TANGO6: variants seen among roughly 807,000 people sequenced by gnomAD.
The protein encoded by TANGO6 is transport and golgi organization 6 homolog, also known as transport and Golgi organization protein 6 homolog.
TANGO6 carries 90 observed loss-of-function variants against 114.2 expected under a neutral mutation model. The observed-to-expected ratio is 0.79, with a 90% CI of 0.66 to 0.94. The LOEUF is 0.94. TANGO6 is among the 40% of genes least tolerant of loss of function. TANGO6 has a pLI of 0.00. For missense variants in TANGO6, 1,274 were observed against 1,315.3 expected, an observed-to-expected ratio of 0.97 and a Z score of 0.49; for synonymous variants, 477 against 509.8, an observed-to-expected ratio of 0.94 and a Z score of 0.87.
At chr16:68,902,956 T>G (rs189303425) in intron 9 of TANGO6, among the ~76,000 whole-genome samples, 1 of 152,348 alleles carries the variant, frequency 6.6e-6, no homozygotes, top group East Asian at 1.9e-4. Context: ...AGGGATTGAT[T>G]AGAAAGTGCT....
chr16:68,922,242 TAA>T (rs1196767767), intron 12 of TANGO6, among the ~76,000 whole-genome samples: 1 of 136,112 alleles, frequency 7.3e-6, no homozygotes. Flanking sequence ...AAAACAAAAT[TAA>T]AAAAAAAAAA....
chr16:68,873,422 T>A (rs1186630286), intron 4 of TANGO6, among the ~76,000 whole-genome samples: 1 of 152,158 alleles, frequency 6.6e-6, no homozygotes, highest in Non-Finnish European at 1.5e-5. Flanking sequence ...CAAGCGATTG[T>A]CCTGCCTCAA....
intron 7 of TANGO6, among the ~76,000 whole-genome samples, chr16:68,882,445 C>G (rs1050421142): frequency 3.3e-5 from 5 of 151,226 alleles, no homozygotes; most frequent in Non-Finnish European, 7.4e-5. Flanking sequence ...TGCAGTGAGC[C>G]GAGATCGCAC....
At chr16:69,076,339 G>T (rs1403716899) in intron 17 of TANGO6, among the ~76,000 whole-genome samples, 1 of 151,802 alleles carries the variant, frequency 6.6e-6, no homozygotes, top group Admixed American at 6.6e-5. Context: ...TGATCCGCCT[G>T]CCTTGGCCTC....
chr16:68,972,894 A>T (rs7202398), intron 14 of TANGO6: 1 of 272,616 alleles, frequency 3.7e-6, no homozygotes, highest in African/African-American at 2.3e-5. Context: ...GAGCAGCAGC[A>T]GATGCAGAGG....
In TANGO6 at chr16:68,902,472, T is replaced by G. The variant is rs1962798647; in HGVS notation, c.1635T>G (p.Gly545=). Residue 545 remains glycine (G), a synonymous_variant, in exon 9 of 18, where the codon GGT becomes GGG. Coordinates refer to ENST00000261778, the MANE Select transcript of TANGO6 (RefSeq NM_024562.2). ...SLCQFRVATQ[G]GIMITIKEAI... ...GTCAGTTTAGAGTTGCCACTCAAGGTGGCATTATGATTACCATCAAAGAGG... is the reference window on the plus strand; with the variant it reads ...GTCAGTTTAGAGTTGCCACTCAAGGGGGCATTATGATTACCATCAAAGAGG... 1 of 1,612,956 alleles carries G rather than the reference T, an allele frequency of 6.2e-7. No individual in the cohort carries two copies. The highest frequency in any genetic ancestry group is 1.3e-5 in the African/African-American group (1 of 74,890).
At position 69,083,543 on chromosome 16, in the gene TANGO6, A is replaced by G. The variant is rs972699949; in HGVS notation, c.3167A>G (p.Glu1056Gly). ...YHLLKHVVCL[E>G]PDDVAKLHAQ... is the part of the protein sequence containing the mutation. Reference sequence around the variant, plus strand: ...CTGCTGAAGCACGTAGTGTGTCTGGAGCCCGATGACGTGGCCAAGCTCCAT... The same window carrying G: ...CTGCTGAAGCACGTAGTGTGTCTGGGGCCCGATGACGTGGCCAAGCTCCAT... Residue 1056 changes from glutamate to glycine, a missense_variant, in exon 18 of 18, where the codon GAG (glutamate) becomes GGG (glycine). Transcript: ENST00000261778. The G allele has an allele frequency of 6.2e-7, 1 of 1,612,076 alleles. No homozygotes were observed. Among genetic ancestry groups the G allele is most frequent in the African/African-American group, 1.3e-5 (1 of 74,918 alleles).
chr16:69,072,209 AAG>A (rs1290920812), intron 17 of TANGO6, among the ~76,000 whole-genome samples: 2 of 151,316 alleles, frequency 1.3e-5, no homozygotes, highest in Non-Finnish European at 1.5e-5. Context: ...CTCCCTTCCA[AAG>A]AGTTTTCAGA....
intron 14 of TANGO6, among the ~76,000 whole-genome samples, chr16:68,948,671 C>G (rs545013266): frequency 1.3e-5 from 2 of 152,220 alleles, no homozygotes; most frequent in African/African-American, 4.8e-5. Context: ...GTATGCTGAC[C>G]TCATGCTTGA....
rs1963400018 is a variant in TANGO6, at chr16:68,945,068, G to A, written c.2701+14773G>A. ...AGGCAGGAGAATCACTTGAACCCAG[G>A]AGGTAGAGGTTGCAGTGAGCTGAGA... is the stretch of plus-strand genomic sequence containing the variant. On this transcript the variant is annotated intron_variant, in intron 14 of 17. Transcript: ENST00000261778. Among the ~76,000 whole-genome samples, 3 of 152,214 alleles carry A rather than the reference G, an allele frequency of 2.0e-5. No homozygotes were observed. In the South Asian group the frequency reaches 6.2e-4, roughly 31 times the overall value.
At chr16:68,961,352 C>G (rs1481977548) in intron 14 of TANGO6, among the ~76,000 whole-genome samples, 1 of 152,338 alleles carries the variant, frequency 6.6e-6, no homozygotes, top group Admixed American at 6.5e-5. Flanking sequence ...CAGTCCTGCC[C>G]CGCCACATGG....
At chr16:69,054,776 AC>A (rs144411390) in intron 17 of TANGO6, among the ~76,000 whole-genome samples, 10 of 99,926 alleles carry the variant, frequency 1.0e-4, no homozygotes, top group Non-Finnish European at 2.0e-4. Context: ...TACTAAAAAT[AC>A]AAAAAAAAAA....
chr16:68,888,254 T>G (rs1055464886), intron 7 of TANGO6, among the ~76,000 whole-genome samples: 1 of 152,186 alleles, frequency 6.6e-6, no homozygotes, highest in Non-Finnish European at 1.5e-5. Context: ...TCTGAATGCC[T>G]GGGGCCCAAT....
At chr16:68,992,185 G>T (rs1963952009) in intron 15 of TANGO6, among the ~76,000 whole-genome samples, 1 of 152,122 alleles carries the variant, frequency 6.6e-6, no homozygotes. Context: ...ATCAAAGTGG[G>T]GAGGTGGGAC....
At chr16:68,969,532 G>A (rs375478956) in intron 14 of TANGO6, among the ~76,000 whole-genome samples, 4 of 152,038 alleles carry the variant, frequency 2.6e-5, no homozygotes, top group East Asian at 3.9e-4. Context: ...TTTGGCAGCC[G>A]TCTGTGGAAC....
chr16:68,993,888 T>C (rs1004486900), intron 15 of TANGO6, among the ~76,000 whole-genome samples: 1 of 152,238 alleles, frequency 6.6e-6, no homozygotes. Context: ...TTCTGGACTT[T>C]GTTTTAATTT....
intron 14 of TANGO6, among the ~76,000 whole-genome samples, chr16:68,962,511 C>T (rs868746855): frequency 2.0e-5 from 3 of 152,110 alleles, no homozygotes; most frequent in Non-Finnish European, 4.4e-5. Flanking sequence ...TTACTTTGAA[C>T]ATAGTCTTTA....
At chr16:68,985,630 C>T (rs955588935) in intron 15 of TANGO6, among the ~76,000 whole-genome samples, 3 of 152,088 alleles carry the variant, frequency 2.0e-5, no homozygotes, top group African/African-American at 4.8e-5. Context: ...GGAAGATCAC[C>T]TGAGCCCGGG....
intron 8 of TANGO6, 143 bp downstream of exon 8, chr16:68,900,689 T>C (rs1962770317): frequency 4.1e-6 from 3 of 725,564 alleles, no homozygotes; most frequent in Non-Finnish European, 6.7e-6. Context: ...GATCTTCCTA[T>C]TTTGCTCATC....
Sources: gnomAD v4.1 joint callset for allele counts (sites outside exome capture counted in the v4.1 genomes callset) on GRCh38, gnomAD v4.1.1 for gene constraint, MANE v1.5 for transcripts, NCBI Gene and HGNC (gene_info 2026-07-23, HGNC 2026-07-21) for gene names.